Variants in PPP3R2 observed in about 807,000 individuals in gnomAD.
PPP3R2 encodes the protein protein phosphatase 3 regulatory subunit B, beta, also known as calcineurin subunit B type 2.
For missense variants in PPP3R2, 225 were observed against 217.4 expected, an observed-to-expected ratio of 1.03 and a Z score of -0.22; for synonymous variants, 91 against 91.5, an observed-to-expected ratio of 0.99 and a Z score of 0.03.
At position 101,592,434 on chromosome 9, in the gene PPP3R2, T is replaced by A. The variant is rs1016570856; in HGVS notation, c.*1975A>T. Reference sequence around the variant, plus strand: ...CCTTTTTGAATCCTCAAAATAACCCTGGGGTGGATCCTCTTTAATTAGGTG... The same window carrying A: ...CCTTTTTGAATCCTCAAAATAACCCAGGGGTGGATCCTCTTTAATTAGGTG... On this transcript the variant is annotated 3_prime_UTR_variant, in exon 1 of 1. Transcript: ENST00000374806. 8 of 152,178 alleles carry A rather than the reference T, an allele frequency of 5.3e-5. No individual in the cohort carries two copies. The highest frequency in any genetic ancestry group is 2.0e-4 in the Admixed American group (3 of 15,270). The allele number at this position is 152,178 out of a possible 1,614,324, so 9.4% of individuals were successfully genotyped here. A position where few individuals can be genotyped will look rare whatever the true frequency, so the allele number is the denominator to read the frequency against.
chr9:101,594,749 A>C lies in PPP3R2; in HGVS notation c.173T>G (p.Val58Gly), dbSNP rs754217594. 2 of 1,613,946 alleles carry C rather than the reference A, an allele frequency of 1.2e-6. No homozygotes were observed. The highest frequency in any genetic ancestry group is 1.7e-6 in the Non-Finnish European group (2 of 1,180,044). Residue 58 changes from valine to glycine, a missense_variant, in exon 1 of 1, where the codon GTG becomes GGG. Val to Gly is a moderately radical substitution (Grantham distance 109). Coordinates refer to ENST00000374806, the MANE Select transcript of PPP3R2 (RefSeq NM_147180.4). ...ACCGTCGGTGTCGAAGACGTCGATC[A>C]CTCGCCGCACCAACGGGTTGTGGCG... ...ELRHNPLVRR[V>G]IDVFDTDGDG...
In PPP3R2 at chr9:101,594,714, C is replaced by G. The variant is rs1219434998; in HGVS notation, c.208G>C (p.Val70Leu). Residue 70 changes from valine (V) to leucine (L), a missense_variant, in exon 1 of 1, where the codon GTG becomes CTG. By Grantham distance (32) the Val-to-Leu change is conservative. Coordinates refer to ENST00000374806, the MANE Select transcript of PPP3R2 (RefSeq NM_147180.4). ...CCCAGGATGAATTCCTTGAAGTCCA[C>G]TTCTCCATCACCGTCGGTGTCGAAG... Reference protein sequence around the residue: ...DVFDTDGDGEVDFKEFILGTS... With the variant: ...DVFDTDGDGELDFKEFILGTS... 18 of 1,614,120 alleles carry G rather than the reference C, an allele frequency of 1.1e-5. No individual in the cohort carries two copies. The Admixed American group carries it at 2.8e-4, about 25-fold the overall frequency.
chr9:101,592,201 A>G lies in PPP3R2; in HGVS notation c.*2208T>C, dbSNP rs1433841436. On this transcript the variant is annotated 3_prime_UTR_variant, in exon 1 of 1. Transcript: ENST00000374806. The stretch of plus-strand genomic sequence containing the variant: ...TGGTGAGGACCTTGAAATTGTTCCC[A>G]TTGTTTTCTCTCTGGGCTTGGACAT... The G allele has an allele frequency of 6.6e-6, 1 of 152,172 alleles. No individual in the cohort carries two copies. Among genetic ancestry groups the G allele is most frequent in the Non-Finnish European group, 1.5e-5 (1 of 68,046 alleles). 9.4% of individuals were successfully genotyped at this position (152,172 alleles called of 1,614,324 possible). A position where few individuals can be genotyped will look rare whatever the true frequency, so the allele number is the denominator to read the frequency against.
In PPP3R2 at chr9:101,594,824, T is replaced by C; in HGVS notation, c.98A>G (p.Asp33Gly). 6.2e-7 allele frequency: 1 copy of C among 1,611,032 alleles called. No individual in the cohort carries two copies. The highest frequency in any genetic ancestry group is 8.5e-7 in the Non-Finnish European group (1 of 1,180,016). The stretch of plus-strand genomic sequence containing the variant: ...CTCCACGCTCAGAGACCCTGATTTG[T>C]CCAAGTCCAACTTCTTAAACCTCCT... Reference protein sequence around the residue: ...LGRRFKKLDLDKSGSLSVEEF... With the variant: ...LGRRFKKLDLGKSGSLSVEEF... The change falls in exon 1 of 1, where the codon GAC becomes GGC. Residue 33 changes from aspartate to glycine, a missense_variant. By Grantham distance (94) the Asp-to-Gly change is moderately conservative. Transcript: ENST00000374806.
rs1828060518 is a variant in PPP3R2 at position 101,593,384 on chromosome 9, A to G, written c.*1025T>C. On this transcript the variant is annotated 3_prime_UTR_variant, in exon 1 of 1. Transcript: ENST00000374806. ...CTTCTAGGCCTCAGATCTGATTTTC[A>G]AAATCAGCATAGCTGGTGTAGCTAG... 1 of 152,234 alleles carries G rather than the reference A, an allele frequency of 6.6e-6. No homozygotes were observed. The highest frequency in any genetic ancestry group is 1.5e-5 in the Non-Finnish European group (1 of 68,068). The allele number at this position is 152,234 out of a possible 1,614,324, so 9.4% of individuals were successfully genotyped here.
Position 101,592,569 on chromosome 9 carries a change from T to G in PPP3R2, c.*1840A>C, listed in dbSNP as rs1371315255. On this transcript the variant is annotated 3_prime_UTR_variant, in exon 1 of 1. Coordinates refer to ENST00000374806, the MANE Select transcript of PPP3R2 (RefSeq NM_147180.4). ...ATCCAAACCCAGGTGTGTCTGAATC[T>G]TTGAACATTACATAACCCTGATCAC... The G allele has an allele frequency of 6.6e-6, 1 of 152,188 alleles. No individual in the cohort carries two copies. Among genetic ancestry groups the G allele is most frequent in the Non-Finnish European group, 1.5e-5 (1 of 68,030 alleles). 9.4% of individuals were successfully genotyped at this position (152,188 alleles called of 1,614,324 possible).
Position 101,594,943 on chromosome 9 carries a change from A to G in PPP3R2, c.-22T>C, listed in dbSNP as rs750867538. 1 of 1,591,924 alleles carries G rather than the reference A, an allele frequency of 6.3e-7. No homozygotes were observed. Among genetic ancestry groups the G allele is most frequent in the Non-Finnish European group, 8.5e-7 (1 of 1,175,994 alleles). ...CCATTGTGGACATCTGGCAACGGCC[A>G]CGGCTCAAAGGGTCGGAGAGGGGAG... On this transcript the variant is annotated 5_prime_UTR_variant, in exon 1 of 1. Coordinates refer to ENST00000374806, the MANE Select transcript of PPP3R2 (RefSeq NM_147180.4).
chr9:101,594,338 G>A lies in PPP3R2; in HGVS notation c.*71C>T. On this transcript the variant is annotated 3_prime_UTR_variant, in exon 1 of 1. Transcript: ENST00000374806. ...AGATAAGTCAGAGAGACAGTTGGAC[G>A]TCTTGAGCAAATCTTGAAAGAGATA... 2 of 1,514,194 alleles carry A rather than the reference G, an allele frequency of 1.3e-6. No homozygotes were observed. Among genetic ancestry groups the A allele is most frequent in the Non-Finnish European group, 1.8e-6 (2 of 1,127,800 alleles). 93.8% of individuals were successfully genotyped at this position (1,514,194 alleles called of 1,614,324 possible). A position where few individuals can be genotyped will look rare whatever the true frequency, so the allele number is the denominator to read the frequency against.
rs1828077932 is a variant in PPP3R2 at position 101,594,370 on chromosome 9, A to C, written c.*39T>G. On this transcript the variant is annotated 3_prime_UTR_variant, in exon 1 of 1. Coordinates refer to ENST00000374806, the MANE Select transcript of PPP3R2 (RefSeq NM_147180.4). ...GCAAATCTTGAAAGAGATAGGGAAGAAAGCAGAAGTTGTTGGGTGGTGCTT... is the reference window on the plus strand; with the variant it reads ...GCAAATCTTGAAAGAGATAGGGAAGCAAGCAGAAGTTGTTGGGTGGTGCTT... 2 of 1,546,892 alleles carry C rather than the reference A, an allele frequency of 1.3e-6. No homozygotes were observed. Among genetic ancestry groups the C allele is most frequent in the Admixed American group, 2.0e-5 (1 of 50,592 alleles).
chr9:101,594,319 G>A lies in PPP3R2; in HGVS notation c.*90C>T. 1.2e-5 allele frequency: 17 copies of A among 1,468,950 alleles called. No homozygotes were observed. The highest frequency in any genetic ancestry group is 1.6e-5 in the Non-Finnish European group (17 of 1,090,690). The allele number at this position is 1,468,950 out of a possible 1,614,324, so 91.0% of individuals were successfully genotyped here. A position where few individuals can be genotyped will look rare whatever the true frequency, so the allele number is the denominator to read the frequency against. Reference sequence around the variant, plus strand: ...CACAAAAAGAAATACTTCCAGATAAGTCAGAGAGACAGTTGGACGTCTTGA... The same window carrying A: ...CACAAAAAGAAATACTTCCAGATAAATCAGAGAGACAGTTGGACGTCTTGA... On this transcript the variant is annotated 3_prime_UTR_variant, in exon 1 of 1. Coordinates refer to ENST00000374806, the MANE Select transcript of PPP3R2 (RefSeq NM_147180.4).
rs1828086291 is a variant in PPP3R2 at position 101,594,591 on chromosome 9, C to T, written c.331G>A (p.Glu111Lys). 2 of 1,614,054 alleles carry T rather than the reference C, an allele frequency of 1.2e-6. No homozygotes were observed. The highest frequency in any genetic ancestry group is 1.7e-6 in the Non-Finnish European group (2 of 1,180,052). The stretch of plus-strand genomic sequence containing the variant: ...ATCATCTTCAGCACCTGGAAGAGCT[C>T]CCCGTTGGAAATGTAGCCATCTTTA... ...MDKDGYISNG[E>K]LFQVLKMMVG... The change falls in exon 1 of 1, where the codon GAG becomes AAG. Residue 111 changes from glutamate to lysine, a missense_variant. Coordinates refer to ENST00000374806, the MANE Select transcript of PPP3R2 (RefSeq NM_147180.4).
In PPP3R2 at chr9:101,594,578, A is replaced by C; in HGVS notation, c.344T>G (p.Val115Gly). The C allele has an allele frequency of 4.3e-6, 7 of 1,614,160 alleles. No individual in the cohort carries two copies. The highest frequency in any genetic ancestry group is 5.9e-6 in the Non-Finnish European group (7 of 1,180,034). ...GYISNGELFQ[V>G]LKMMVGNNLT... ...GTTGTTGCCCACCATCATCTTCAGCACCTGGAAGAGCTCCCCGTTGGAAAT... is the reference window on the plus strand; with the variant it reads ...GTTGTTGCCCACCATCATCTTCAGCCCCTGGAAGAGCTCCCCGTTGGAAAT... The change falls in exon 1 of 1, where the codon GTG (valine) becomes GGG (glycine). Residue 115 changes from valine to glycine, a missense_variant. Val to Gly is a moderately radical substitution (Grantham distance 109). Transcript: ENST00000374806.
rs1219434998 is a variant in PPP3R2 at position 101,594,714 on chromosome 9, C to T, written c.208G>A (p.Val70Met). Residue 70 changes from valine (V) to methionine (M), a missense_variant, in exon 1 of 1, where the codon GTG (valine) becomes ATG (methionine). Coordinates refer to ENST00000374806, the MANE Select transcript of PPP3R2 (RefSeq NM_147180.4). ...DVFDTDGDGE[V>M]DFKEFILGTS... ...CCCAGGATGAATTCCTTGAAGTCCA[C>T]TTCTCCATCACCGTCGGTGTCGAAG... The T allele has an allele frequency of 6.2e-7, 1 of 1,614,238 alleles. No homozygotes were observed. The highest frequency in any genetic ancestry group is 8.5e-7 in the Non-Finnish European group (1 of 1,180,056).
rs1828037613 is a variant in PPP3R2, at chr9:101,592,117, T to C, written c.*2292A>G. 1 of 152,214 alleles carries C rather than the reference T, an allele frequency of 6.6e-6. No individual in the cohort carries two copies. Among genetic ancestry groups the C allele is most frequent in the Non-Finnish European group, 1.5e-5 (1 of 68,034 alleles). 9.4% of individuals were successfully genotyped at this position (152,214 alleles called of 1,614,324 possible). A position where few individuals can be genotyped will look rare whatever the true frequency, so the allele number is the denominator to read the frequency against. ...TTGGGCTGGAATGAGAGATTTTGTT[T>C]TAAAAATTCTCCAGTTCTCAGGTCA... On this transcript the variant is annotated 3_prime_UTR_variant, in exon 1 of 1. Coordinates refer to ENST00000374806, the MANE Select transcript of PPP3R2 (RefSeq NM_147180.4).
rs899000160 is a variant in PPP3R2, at chr9:101,594,343, G to C, written c.*66C>G. The C allele has an allele frequency of 5.3e-6, 8 of 1,521,602 alleles. No homozygotes were observed. The South Asian group carries it at 9.3e-5, about 18-fold the overall frequency. 94.3% of individuals were successfully genotyped at this position (1,521,602 alleles called of 1,614,324 possible). On this transcript the variant is annotated 3_prime_UTR_variant, in exon 1 of 1. Coordinates refer to ENST00000374806, the MANE Select transcript of PPP3R2 (RefSeq NM_147180.4). The stretch of plus-strand genomic sequence containing the variant: ...AGTCAGAGAGACAGTTGGACGTCTT[G>C]AGCAAATCTTGAAAGAGATAGGGAA...
chr9:101,594,224 T>TG lies in PPP3R2; in HGVS notation c.*184dup. 1.4e-6 allele frequency: 1 copy of TG among 732,134 alleles called. No individual in the cohort carries two copies. The allele number at this position is 732,134 out of a possible 1,614,324, so 45.4% of individuals were successfully genotyped here. Reference sequence around the variant, plus strand: ...TTGCTCTTCCCCCTATAGGGTACCCTGAGTCATTCAGAGAAGGAGAATTAA... The same window carrying TG: ...TTGCTCTTCCCCCTATAGGGTACCCTGGAGTCATTCAGAGAAGGAGAATTAA... On this transcript the variant is annotated 3_prime_UTR_variant, in exon 1 of 1. Transcript: ENST00000374806.
In PPP3R2 at chr9:101,593,280, C is replaced by T. The variant is rs190000082; in HGVS notation, c.*1129G>A. The stretch of plus-strand genomic sequence containing the variant: ...CTCCGGCTCACCCAATGGTGGAGAT[C>T]TGTTAGTGTGTGAGGACTTCTGCAC... On this transcript the variant is annotated 3_prime_UTR_variant, in exon 1 of 1. Coordinates refer to ENST00000374806, the MANE Select transcript of PPP3R2 (RefSeq NM_147180.4). 2.0e-5 allele frequency: 3 copies of T among 152,344 alleles called. No individual in the cohort carries two copies. In the East Asian group the frequency reaches 5.8e-4, roughly 29 times the overall value. The allele number at this position is 152,344 out of a possible 1,614,324, so 9.4% of individuals were successfully genotyped here. A position where few individuals can be genotyped will look rare whatever the true frequency, so the allele number is the denominator to read the frequency against.
chr9:101,594,157 T>C lies in PPP3R2; in HGVS notation c.*252A>G, dbSNP rs3739724. 0.14 allele frequency: 59,631 copies of C among 424,660 alleles called. 4,603 individuals carry two copies. The highest frequency in any genetic ancestry group is 0.23 in the East Asian group (6,048 of 26,804). 26.3% of individuals were successfully genotyped at this position (424,660 alleles called of 1,614,324 possible). A position where few individuals can be genotyped will look rare whatever the true frequency, so the allele number is the denominator to read the frequency against. On this transcript the variant is annotated 3_prime_UTR_variant, in exon 1 of 1. Coordinates refer to ENST00000374806, the MANE Select transcript of PPP3R2 (RefSeq NM_147180.4). ...ATCAAAACAAAGTAAAAGATGTTTA[T>C]AAAAGCCATTTCCTTTTCTTTCCCC...
chr9:101,592,386 T>C lies in PPP3R2; in HGVS notation c.*2023A>G, dbSNP rs1828041889. The C allele has an allele frequency of 6.6e-6, 1 of 152,224 alleles. No individual in the cohort carries two copies. The highest frequency in any genetic ancestry group is 1.9e-4 in the East Asian group (1 of 5,204). 9.4% of individuals were successfully genotyped at this position (152,224 alleles called of 1,614,324 possible). On this transcript the variant is annotated 3_prime_UTR_variant, in exon 1 of 1. Coordinates refer to ENST00000374806, the MANE Select transcript of PPP3R2 (RefSeq NM_147180.4). ...GGGAATTAGTTGAATGAAAGTGGAA[T>C]TGTGCTCCAGGTGTGTTGCATGCCT...
Sources: gnomAD v4.1 joint callset for allele counts on GRCh38, gnomAD v4.1.1 for gene constraint, MANE v1.5 for transcripts, NCBI Gene and HGNC (gene_info 2026-07-23, HGNC 2026-07-21) for gene names.